The following NKAIN3 variants were observed in gnomAD, a reference collection of about 807,000 sequenced individuals.
The protein encoded by NKAIN3 is sodium/potassium transporting ATPase interacting 3.
In NKAIN3, 25 loss-of-function variants were observed where a neutral mutation model predicts 30.2. That is an observed-to-expected ratio of 0.83 (90% CI 0.60 to 1.16). The LOEUF (loss-of-function observed/expected upper bound fraction) is 1.16, where lower values mean the gene tolerates loss of function less well. Ranked by LOEUF, NKAIN3 falls within the 50% of genes most tolerant of loss-of-function variation. The pLI, the probability that NKAIN3 is intolerant of heterozygous loss-of-function variation, is 0.00. For missense variants in NKAIN3, 225 were observed against 254.1 expected, an observed-to-expected ratio of 0.89 and a Z score of 0.78; for synonymous variants, 91 against 89.6, an observed-to-expected ratio of 1.02 and a Z score of -0.09.
At chr8:62,855,417 C>G in intron 4 of NKAIN3, 1 of 971,808 alleles carries the variant, frequency 1.0e-6, no homozygotes, top group Non-Finnish European at 1.7e-6. Flanking sequence ...CTGATATTGG[C>G]CTTCAGCTCC....
chr8:62,757,145 T>C (rs1014890755), intron 4 of NKAIN3, among the ~76,000 whole-genome samples: 1 of 152,132 alleles, frequency 6.6e-6, no homozygotes, highest in African/African-American at 2.4e-5. Context: ...CTTATGGAAA[T>C]ATTAGAGGCA....
rs932022275 is a variant in NKAIN3, at chr8:62,721,817, A to C, written c.274-25115A>C. Among the ~76,000 whole-genome samples, 15 of 152,336 alleles carry C rather than the reference A, an allele frequency of 9.8e-5. No homozygotes were observed. In the South Asian group the frequency reaches 1.9e-3, roughly 19 times the overall value. On this transcript the variant is annotated intron_variant, in intron 3 of 6. Transcript: ENST00000623646. ...TTATTTAAAGGTGAAATAGGGCAGA[A>C]CATAGACAATGGTTGTGGCCTCAAC...
chr8:62,593,377 T>C (rs1279701541), intron 3 of NKAIN3, among the ~76,000 whole-genome samples: 1 of 152,008 alleles, frequency 6.6e-6, no homozygotes, highest in East Asian at 1.9e-4. Flanking sequence ...GATGAATTCC[T>C]ATCAGTGTTT....
chr8:62,550,571 C>T (rs1386681372), intron 1 of NKAIN3, among the ~76,000 whole-genome samples: 1 of 152,176 alleles, frequency 6.6e-6, no homozygotes, highest in Non-Finnish European at 1.5e-5. Context: ...TTACATTAAA[C>T]AGTGTTTATC....
intron 4 of NKAIN3, chr8:62,855,639 C>T (rs996184141): frequency 3.7e-5 from 59 of 1,604,002 alleles, no homozygotes; most frequent in Non-Finnish European, 4.9e-5. Flanking sequence ...AAGGCCAAGG[C>T]CTCCAGGTTC....
chr8:62,323,772 A>G (rs577616899), intron 1 of NKAIN3, among the ~76,000 whole-genome samples: 154 of 152,308 alleles, frequency 1.0e-3, no homozygotes, highest in African/African-American at 3.5e-3. Context: ...TTATTGACCA[A>G]TACAAAGATA....
Position 62,966,424 on chromosome 8 carries a change from A to AT in NKAIN3, c.*1024dup. On this transcript the variant is annotated 3_prime_UTR_variant, in exon 7 of 7. Coordinates refer to ENST00000623646, the MANE Select transcript of NKAIN3 (RefSeq NM_001304533.3). ...TGTCTTGAAAACGCATCACAGTTGT[A>AT]TTTTTTTAACTGGCATAAAACTTAC... The AT allele has an allele frequency of 4.1e-6, 4 of 978,096 alleles. No homozygotes were observed. Among genetic ancestry groups the AT allele is most frequent in the Non-Finnish European group, 4.9e-6 (4 of 823,254 alleles). 60.6% of individuals were successfully genotyped at this position (978,096 alleles called of 1,614,324 possible). A position where few individuals can be genotyped will look rare whatever the true frequency, so the allele number is the denominator to read the frequency against.
At chr8:62,692,772 C>T (rs985621016) in intron 3 of NKAIN3, among the ~76,000 whole-genome samples, 2 of 152,202 alleles carry the variant, frequency 1.3e-5, no homozygotes, top group African/African-American at 4.8e-5. Context: ...TTCAAAAATA[C>T]CTCCTCAACA....
At chr8:62,695,431 G>T (rs569995178) in intron 3 of NKAIN3, among the ~76,000 whole-genome samples, 2 of 152,182 alleles carry the variant, frequency 1.3e-5, no homozygotes, top group South Asian at 4.2e-4. Context: ...AGATAATCCT[G>T]GCTGGTGATA....
intron 1 of NKAIN3, among the ~76,000 whole-genome samples, chr8:62,294,156 A>G (rs1007926818): frequency 1.3e-5 from 2 of 152,172 alleles, no homozygotes; most frequent in Non-Finnish European, 2.9e-5. Flanking sequence ...TTTGGTAGGA[A>G]GGAATTCTCT....
chr8:62,581,110 TATAAAATAAA>T (rs71559376), intron 2 of NKAIN3, among the ~76,000 whole-genome samples: 15,027 of 114,206 alleles, frequency 0.13, 981 homozygotes, highest in African/African-American at 0.17. Flanking sequence ...CTCAAAAAAA[TATAAAATAAA>T]ATAAAATAAA....
chr8:62,636,164 G>T (rs917914999), intron 3 of NKAIN3, among the ~76,000 whole-genome samples: 2 of 152,256 alleles, frequency 1.3e-5, no homozygotes, highest in East Asian at 1.9e-4. Context: ...GTTGAGAATT[G>T]TACTTTGAGA....
At chr8:62,754,084 C>A (rs1203706149) in intron 4 of NKAIN3, among the ~76,000 whole-genome samples, 2 of 151,930 alleles carry the variant, frequency 1.3e-5, no homozygotes, top group Non-Finnish European at 2.9e-5. Context: ...TTAAATAATA[C>A]TATTTAATTA....
At chr8:62,462,375 C>T (rs1203453961) in intron 1 of NKAIN3, among the ~76,000 whole-genome samples, 1 of 152,124 alleles carries the variant, frequency 6.6e-6, no homozygotes, top group Non-Finnish European at 1.5e-5. Context: ...TCACAATGCA[C>T]CGATTGTTCA....
intron 5 of NKAIN3, among the ~76,000 whole-genome samples, chr8:62,944,802 C>A (rs1268947836): frequency 6.6e-6 from 1 of 152,090 alleles, no homozygotes; most frequent in Non-Finnish European, 1.5e-5. Context: ...TGGAAAAGCA[C>A]CTCTTAATGA....
chr8:62,939,240 C>T (rs77654178), intron 5 of NKAIN3, among the ~76,000 whole-genome samples: 1,940 of 152,134 alleles, frequency 0.013, 43 homozygotes, highest in African/African-American at 0.045. Context: ...AAAGCCTCTA[C>T]GAAGTTTGGG....
chr8:62,408,491 G>A (rs914990008), intron 1 of NKAIN3, among the ~76,000 whole-genome samples: 1 of 152,036 alleles, frequency 6.6e-6, no homozygotes, highest in African/African-American at 2.4e-5. Flanking sequence ...TAGTATGAAA[G>A]GTTAAAAATA....
At chr8:62,766,010 T>C (rs993569011) in intron 4 of NKAIN3, among the ~76,000 whole-genome samples, 1 of 152,206 alleles carries the variant, frequency 6.6e-6, no homozygotes, top group Non-Finnish European at 1.5e-5. Flanking sequence ...TGAATCTTTC[T>C]TGCTTGCTTT....
intron 1 of NKAIN3, among the ~76,000 whole-genome samples, chr8:62,442,131 C>T (rs1805347015): frequency 6.6e-6 from 1 of 151,676 alleles, no homozygotes; most frequent in African/African-American, 2.4e-5. Context: ...TTTTTCACAC[C>T]TGAGAAATGC....
Sources: gnomAD v4.1 joint callset for allele counts (sites outside exome capture counted in the v4.1 genomes callset) on GRCh38, gnomAD v4.1.1 for gene constraint, MANE v1.5 for transcripts, NCBI Gene and HGNC (gene_info 2026-07-23, HGNC 2026-07-21) for gene names.